The following NMNAT2 variants were observed in gnomAD, a reference collection of about 807,000 sequenced individuals.
The protein encoded by NMNAT2 is nicotinamide/nicotinic acid mononucleotide adenylyltransferase 2.
NMNAT2 carries 11 observed loss-of-function variants against 41.6 expected under a neutral mutation model. The observed-to-expected ratio is 0.26, with a 90% CI of 0.17 to 0.44. The LOEUF (loss-of-function observed/expected upper bound fraction) is 0.44, where lower values mean the gene tolerates loss of function less well. Among genes scored for constraint, NMNAT2 ranks in the 20% least tolerant of loss-of-function variants. NMNAT2 has a pLI of 1.00. For synonymous variants in NMNAT2, 148 were observed against 151.2 expected (o/e 0.98, Z 0.16); for missense variants, 288 against 407.7 (o/e 0.71, Z 2.53).
chr1:183,278,166 C>T (rs1194358065), intron 8 of NMNAT2, among the ~76,000 whole-genome samples: 1 of 152,144 alleles, frequency 6.6e-6, no homozygotes, highest in Non-Finnish European at 1.5e-5. Context: ...TGAGGGGATT[C>T]CAGGATGGTA....
chr1:183,323,433 C>G (rs1463282818), intron 1 of NMNAT2, among the ~76,000 whole-genome samples: 1 of 152,170 alleles, frequency 6.6e-6, no homozygotes, highest in Non-Finnish European at 1.5e-5. Flanking sequence ...CTGCCACCAC[C>G]ATACTTCAAG....
At chr1:183,320,650 T>A (rs1662340311) in intron 1 of NMNAT2, among the ~76,000 whole-genome samples, 1 of 152,198 alleles carries the variant, frequency 6.6e-6, no homozygotes, top group South Asian at 2.1e-4. Context: ...TACCTGACAG[T>A]TGTTTCTCTG....
intron 1 of NMNAT2, among the ~76,000 whole-genome samples, chr1:183,329,785 G>A (rs916608685): frequency 6.6e-6 from 1 of 152,158 alleles, no homozygotes; most frequent in African/African-American, 2.4e-5. Context: ...GCTCTATGGG[G>A]GCATTGCAAG....
At chr1:183,293,083 G>T (rs749112490) in intron 2 of NMNAT2, among the ~76,000 whole-genome samples, 2 of 152,192 alleles carry the variant, frequency 1.3e-5, no homozygotes, top group African/African-American at 2.4e-5. Context: ...CCCCAACAAG[G>T]TCGATAGATG....
intron 1 of NMNAT2, among the ~76,000 whole-genome samples, chr1:183,300,279 G>C (rs1259496281): frequency 1.3e-5 from 2 of 152,142 alleles, no homozygotes; most frequent in Non-Finnish European, 2.9e-5. Context: ...GCACGTGCCT[G>C]TAGTCCCAGC....
intron 8 of NMNAT2, among the ~76,000 whole-genome samples, chr1:183,277,325 A>C (rs1661146865): frequency 6.6e-6 from 1 of 152,062 alleles, no homozygotes; most frequent in Non-Finnish European, 1.5e-5. Context: ...TCTACTAAAA[A>C]TACAAAAATT....
chr1:183,388,911 C>G (rs1244673751), intron 1 of NMNAT2, among the ~76,000 whole-genome samples: 1 of 152,168 alleles, frequency 6.6e-6, no homozygotes, highest in African/African-American at 2.4e-5. Context: ...TTGTGGGCAG[C>G]CTTTGTTCTT....
intron 9 of NMNAT2, 31 bp downstream of exon 9, chr1:183,261,171 C>T: frequency 6.2e-7 from 1 of 1,609,262 alleles, no homozygotes; most frequent in Non-Finnish European, 8.5e-7. Context: ...AGGGCCATAA[C>T]ACAGATGCAC....
At chr1:183,265,355 C>T (rs1422226285) in intron 8 of NMNAT2, among the ~76,000 whole-genome samples, 3 of 144,720 alleles carry the variant, frequency 2.1e-5, no homozygotes, top group Admixed American at 1.4e-4. Flanking sequence ...CAACCTCCAC[C>T]TCCTGGGTTC....
At chr1:183,361,431 A>G (rs766159495) in intron 1 of NMNAT2, among the ~76,000 whole-genome samples, 2 of 152,162 alleles carry the variant, frequency 1.3e-5, no homozygotes, top group Non-Finnish European at 2.9e-5. Flanking sequence ...CTTCACTTCT[A>G]TGAGCCTCGG....
In NMNAT2 at chr1:183,395,878, G is replaced by A. The variant is rs575256297; in HGVS notation, c.85+22305C>T. On this transcript the variant is annotated intron_variant, in intron 1 of 10. Coordinates refer to ENST00000287713, the MANE Select transcript of NMNAT2 (RefSeq NM_015039.4). ...TCTGATCCTGTACCTTTAGCATAAA[G>A]GTGAGTGTGGCTTCTTCGCAATGTT... Among the ~76,000 whole-genome samples the A allele has an allele frequency of 7.2e-5, 11 of 152,294 alleles. No individual in the cohort carries two copies. In the South Asian group the frequency reaches 2.3e-3, roughly 32 times the overall value.
chr1:183,304,778 G>A (rs777240114), intron 1 of NMNAT2: 1 of 1,613,110 alleles, frequency 6.2e-7, no homozygotes, highest in Non-Finnish European at 8.5e-7. Context: ...TTGCAGCCCT[G>A]TGCTGGCCAT....
intron 1 of NMNAT2, among the ~76,000 whole-genome samples, chr1:183,314,047 A>G (rs1269778789): frequency 6.6e-6 from 1 of 152,166 alleles, no homozygotes; most frequent in Non-Finnish European, 1.5e-5. Context: ...CAGCAATTCC[A>G]TATGAACAAC....
At chr1:183,329,946 C>A (rs1394930850) in intron 1 of NMNAT2, among the ~76,000 whole-genome samples, 8 of 152,244 alleles carry the variant, frequency 5.3e-5, no homozygotes, top group African/African-American at 1.7e-4. Flanking sequence ...TTACTGACTT[C>A]CAGTTCTGTG....
intron 1 of NMNAT2, among the ~76,000 whole-genome samples, chr1:183,295,661 C>A (rs1219995899): frequency 6.6e-6 from 1 of 152,076 alleles, no homozygotes; most frequent in Non-Finnish European, 1.5e-5. Context: ...AGTGTTCCAC[C>A]CATTCATGCC....
intron 8 of NMNAT2, 49 bp from the exon 9 acceptor site, chr1:183,261,352 C>G: frequency 6.7e-7 from 1 of 1,485,354 alleles, no homozygotes; most frequent in East Asian, 2.3e-5. Flanking sequence ...ATCCCAAACT[C>G]CTACCAAGCA....
chr1:183,398,027 A>G (rs1557899937), intron 1 of NMNAT2, among the ~76,000 whole-genome samples: 1 of 152,232 alleles, frequency 6.6e-6, no homozygotes, highest in Non-Finnish European at 1.5e-5. Context: ...ACCAGCTAAC[A>G]TCATAATGAC....
intron 1 of NMNAT2, among the ~76,000 whole-genome samples, chr1:183,301,162 A>T (rs1374026670): frequency 6.6e-6 from 1 of 152,256 alleles, no homozygotes. Flanking sequence ...ATTTTGCACT[A>T]GAGGAGGCCA....
rs532705805 is a variant in NMNAT2 at position 183,407,371 on chromosome 1, T to C, written c.85+10812A>G. ...TAAGTCACTGGCACCTCGTGTTTGC[T>C]GTCTGTCCTGTTTTTTTTGGTTCTG... is the stretch of plus-strand genomic sequence containing the variant. On this transcript the variant is annotated intron_variant, in intron 1 of 10. Coordinates refer to ENST00000287713, the MANE Select transcript of NMNAT2 (RefSeq NM_015039.4). 4.6e-5 allele frequency among the ~76,000 whole-genome samples: 7 copies of C among 152,302 alleles called. No individual in the cohort carries two copies. In the South Asian group the frequency reaches 1.4e-3, roughly 32 times the overall value.
Sources: gnomAD v4.1 joint callset for allele counts (sites outside exome capture counted in the v4.1 genomes callset) on GRCh38, gnomAD v4.1.1 for gene constraint, MANE v1.5 for transcripts, NCBI Gene and HGNC (gene_info 2026-07-23, HGNC 2026-07-21) for gene names.